SORCS1: variants seen among roughly 807,000 people sequenced by gnomAD.
SORCS1 encodes the protein VPS10 domain-containing receptor SorCS1.
A neutral mutation model predicts 146.1 loss-of-function variants in SORCS1; 60 were observed. That is an observed-to-expected ratio of 0.41 (90% CI 0.33 to 0.51). The LOEUF is 0.51. Ranked by LOEUF, SORCS1 falls within the 20% of genes least tolerant of loss-of-function variation. The pLI, the probability that SORCS1 is intolerant of heterozygous loss-of-function variation, is 0.21. For synonymous variants in SORCS1, 637 were observed against 584.0 expected, an observed-to-expected ratio of 1.09 and a Z score of -1.31; for missense variants, 1,352 against 1,487.6, an observed-to-expected ratio of 0.91 and a Z score of 1.50.
At chr10:106,601,784 A>G (rs1846257280) in intron 23 of SORCS1, among the ~76,000 whole-genome samples, 1 of 152,190 alleles carries the variant, frequency 6.6e-6, no homozygotes, top group East Asian at 1.9e-4. Context: ...TACATACAGC[A>G]CAAGAGGGAA....
chr10:107,053,469 T>C (rs1169091149), intron 1 of SORCS1, among the ~76,000 whole-genome samples: 1 of 152,024 alleles, frequency 6.6e-6, no homozygotes, highest in African/African-American at 2.4e-5. Flanking sequence ...AACTGCAGAG[T>C]GAGCAAACAC....
chr10:107,058,511 G>A lies in SORCS1; in HGVS notation c.559-101931C>T, dbSNP rs527654988. Among the ~76,000 whole-genome samples the A allele has an allele frequency of 1.9e-4, 29 of 152,210 alleles. No homozygotes were observed. In the South Asian group the frequency reaches 4.8e-3, roughly 25 times the overall value. On this transcript the variant is annotated intron_variant, in intron 1 of 25. Transcript: ENST00000263054. ...AATTACCTTGACTATAATTTTCTTC[G>A]ATGATTCAGAAGGCACTTCAGGCTG... is the stretch of plus-strand genomic sequence containing the variant.
intron 1 of SORCS1, among the ~76,000 whole-genome samples, chr10:106,978,164 C>T (rs1451600370): frequency 1.3e-5 from 2 of 152,186 alleles, no homozygotes; most frequent in East Asian, 1.9e-4. Flanking sequence ...AGGCTAGTCG[C>T]GAACCCCTGA....
chr10:106,723,990 A>C (rs1855965702), intron 6 of SORCS1, among the ~76,000 whole-genome samples: 1 of 152,206 alleles, frequency 6.6e-6, no homozygotes, highest in Admixed American at 6.5e-5. Context: ...GTACTTTTTA[A>C]ATTAATATAT....
At chr10:106,967,477 A>G (rs1955551194) in intron 1 of SORCS1, among the ~76,000 whole-genome samples, 1 of 152,186 alleles carries the variant, frequency 6.6e-6, no homozygotes, top group African/African-American at 2.4e-5. Flanking sequence ...AAATGTGAGG[A>G]AAATGCATAT....
At chr10:106,836,592 G>C (rs1349649562) in intron 2 of SORCS1, among the ~76,000 whole-genome samples, 1 of 151,964 alleles carries the variant, frequency 6.6e-6, no homozygotes, top group Non-Finnish European at 1.5e-5. Flanking sequence ...CAGTTAAGGA[G>C]ATGTATTCAG....
At chr10:106,897,758 T>C (rs1951543320) in intron 2 of SORCS1, among the ~76,000 whole-genome samples, 1 of 152,308 alleles carries the variant, frequency 6.6e-6, no homozygotes, top group South Asian at 2.1e-4. Flanking sequence ...CCAAAATCCT[T>C]GTCCTTCCAC....
chr10:106,695,385 C>T (rs821958), intron 9 of SORCS1, among the ~76,000 whole-genome samples: 121,936 of 152,092 alleles, frequency 0.8, 51,387 homozygotes, highest in Non-Finnish European at 0.94. Context: ...TGCCCTTCTA[C>T]GTTCTTCAGT....
intron 2 of SORCS1, among the ~76,000 whole-genome samples, chr10:106,942,005 G>T (rs1007624987): frequency 6.6e-6 from 1 of 152,214 alleles, no homozygotes; most frequent in Non-Finnish European, 1.5e-5. Flanking sequence ...GATGTGGGGG[G>T]AATTGACAAG....
intron 24 of SORCS1, among the ~76,000 whole-genome samples, chr10:106,588,501 C>G (rs1020035427): frequency 2.0e-5 from 3 of 152,008 alleles, no homozygotes; most frequent in Non-Finnish European, 4.4e-5. Flanking sequence ...GGCTGTTGAA[C>G]AGTGGTTGTT....
intron 2 of SORCS1, among the ~76,000 whole-genome samples, chr10:106,936,246 G>A (rs1953708395): frequency 6.6e-6 from 1 of 152,038 alleles, no homozygotes; most frequent in East Asian, 1.9e-4. Flanking sequence ...CATCCTGACT[G>A]GTATCTCATG....
chr10:106,605,279 C>A (rs1359302855), intron 23 of SORCS1, among the ~76,000 whole-genome samples: 1 of 152,246 alleles, frequency 6.6e-6, no homozygotes, highest in Non-Finnish European at 1.5e-5. Context: ...AAGCAAGACA[C>A]ATCCATACAT....
chr10:106,776,508 G>T (rs749467172), intron 4 of SORCS1, 26 bp downstream of exon 4: 4 of 1,611,908 alleles, frequency 2.5e-6, no homozygotes, highest in Non-Finnish European at 3.4e-6. Context: ...ATGCTTCATT[G>T]TCTCAAACAA....
At chr10:107,070,692 G>A (rs572021208) in intron 1 of SORCS1, among the ~76,000 whole-genome samples, 5 of 152,154 alleles carry the variant, frequency 3.3e-5, no homozygotes, top group South Asian at 4.1e-4. Context: ...ATAATACCTC[G>A]TTTGTGATTG....
chr10:107,152,903 C>T (rs1968942174), intron 1 of SORCS1, among the ~76,000 whole-genome samples: 1 of 152,108 alleles, frequency 6.6e-6, no homozygotes, highest in Admixed American at 6.5e-5. Flanking sequence ...ACAGCTCTGT[C>T]TTTGTCTCCC....
chr10:107,006,330 C>T (rs754316788), intron 1 of SORCS1, among the ~76,000 whole-genome samples: 2 of 151,726 alleles, frequency 1.3e-5, no homozygotes, highest in Non-Finnish European at 2.9e-5. Flanking sequence ...ATGAAAGAAA[C>T]AAGGAAGACA....
Position 106,721,223 on chromosome 10 carries a change from T to C in SORCS1, c.1024+8827A>G, listed in dbSNP as rs191194440. ...GTTAGAATCTGAAGCTGACCAGAAA[T>C]GGAAACGTCTAACCTCTTCCAAGGT... On this transcript the variant is annotated intron_variant, in intron 6 of 25. Transcript: ENST00000263054. 1.8e-3 allele frequency among the ~76,000 whole-genome samples: 280 copies of C among 152,036 alleles called. 1 individual carries two copies. The highest frequency in any genetic ancestry group is 3.4e-3 in the Middle Eastern group (1 of 294).
intron 1 of SORCS1, among the ~76,000 whole-genome samples, chr10:107,077,464 T>A (rs1038725492): frequency 5.3e-5 from 8 of 151,958 alleles, no homozygotes; most frequent in African/African-American, 1.9e-4. Context: ...TTTCTGTGTT[T>A]TTTTTTTAGA....
chr10:106,637,376 T>C (rs1848791151), intron 18 of SORCS1, among the ~76,000 whole-genome samples: 1 of 152,196 alleles, frequency 6.6e-6, no homozygotes, highest in South Asian at 2.1e-4. Flanking sequence ...TAGGTGTTTC[T>C]TCACTTTCAA....
Sources: gnomAD v4.1 joint callset for allele counts (sites outside exome capture counted in the v4.1 genomes callset) on GRCh38, gnomAD v4.1.1 for gene constraint, MANE v1.5 for transcripts, NCBI Gene and HGNC (gene_info 2026-07-23, HGNC 2026-07-21) for gene names.